The following SYT16 variants were observed in gnomAD, a reference collection of about 807,000 sequenced individuals.
The protein encoded by SYT16 is synaptotagmin-16.
A neutral mutation model predicts 61.4 loss-of-function variants in SYT16; 42 were observed. The observed-to-expected ratio is 0.68, with a 90% confidence interval of 0.53 to 0.89. The LOEUF (loss-of-function observed/expected upper bound fraction) is 0.89. Among genes scored for constraint, SYT16 ranks in the 40% least tolerant of loss-of-function variants. SYT16 has a pLI of 0.00. For missense variants in SYT16, 804 were observed against 807.3 expected, an observed-to-expected ratio of 1.00 and a Z score of 0.05; for synonymous variants, 314 against 302.3, an observed-to-expected ratio of 1.04 and a Z score of -0.40.
chr14:61,826,200 G>A (rs1381123075), intron 1 of SYT16, among the ~76,000 whole-genome samples: 1 of 151,906 alleles, frequency 6.6e-6, no homozygotes, highest in African/African-American at 2.4e-5. Flanking sequence ...CCCATCTCAG[G>A]GCACTCACAC....
chr14:62,018,815 A>T (rs1012363247), intron 3 of SYT16, among the ~76,000 whole-genome samples: 20 of 151,768 alleles, frequency 1.3e-4, no homozygotes, highest in African/African-American at 4.1e-4. Context: ...TCCCCTTTCC[A>T]TGCCTTATGT....
intron 3 of SYT16, among the ~76,000 whole-genome samples, chr14:62,036,822 A>G (rs909373319): frequency 6.6e-6 from 1 of 152,170 alleles, no homozygotes; most frequent in African/African-American, 2.4e-5. Context: ...TATGGGAGCT[A>G]CAATTCAAGA....
intron 3 of SYT16, among the ~76,000 whole-genome samples, chr14:62,053,385 C>T (rs1219506308): frequency 2.0e-5 from 3 of 152,168 alleles, no homozygotes; most frequent in Non-Finnish European, 2.9e-5. Flanking sequence ...CTATTGGTTC[C>T]CCTGGTTCTC....
intron 7 of SYT16, among the ~76,000 whole-genome samples, chr14:62,086,206 G>A (rs1442945234): frequency 3.3e-5 from 5 of 152,174 alleles, no homozygotes; most frequent in East Asian, 1.9e-4. Context: ...GGCTAGGCAC[G>A]GTGGCTCAAT....
chr14:62,086,404 G>T (rs933993083), intron 7 of SYT16, among the ~76,000 whole-genome samples: 3 of 152,058 alleles, frequency 2.0e-5, no homozygotes, highest in African/African-American at 7.2e-5. Flanking sequence ...CGCTTGAACC[G>T]AGGAGGTGGA....
intron 3 of SYT16, among the ~76,000 whole-genome samples, chr14:62,015,441 T>A (rs949973296): frequency 4.3e-5 from 4 of 92,640 alleles, no homozygotes; most frequent in African/African-American, 1.7e-4. Flanking sequence ...TTCTTAACAT[T>A]TTTGACAGTC....
intron 2 of SYT16, among the ~76,000 whole-genome samples, chr14:61,991,391 C>T (rs1163365122): frequency 1.4e-5 from 2 of 147,808 alleles, no homozygotes; most frequent in Non-Finnish European, 3.0e-5. Flanking sequence ...GCTACTTTGT[C>T]TTCTTGTTAG....
intron 1 of SYT16, among the ~76,000 whole-genome samples, chr14:61,860,131 A>C (rs959122802): frequency 6.6e-6 from 1 of 152,204 alleles, no homozygotes; most frequent in African/African-American, 2.4e-5. Flanking sequence ...TCTTTGGAAA[A>C]AGTCACTCTA....
chr14:61,991,374 A>G (rs574044482), intron 2 of SYT16, among the ~76,000 whole-genome samples: 1 of 124,250 alleles, frequency 8.0e-6, no homozygotes, highest in African/African-American at 3.0e-5. Flanking sequence ...TTTCTAAAAC[A>G]CCAGAAGCTA....
chr14:61,863,634 A>G (rs556952678), intron 1 of SYT16, among the ~76,000 whole-genome samples: 25 of 152,218 alleles, frequency 1.6e-4, no homozygotes, highest in Admixed American at 2.0e-4. Context: ...CAACTTATCA[A>G]TTCTTTCTTT....
At chr14:61,826,554 G>A (rs2045777258) in intron 1 of SYT16, among the ~76,000 whole-genome samples, 1 of 151,944 alleles carries the variant, frequency 6.6e-6, no homozygotes, top group South Asian at 2.1e-4. Flanking sequence ...AGGAGGTGAA[G>A]AGACCTGGCA....
intron 1 of SYT16, among the ~76,000 whole-genome samples, chr14:61,887,997 A>G (rs1448161016): frequency 6.6e-6 from 1 of 152,062 alleles, no homozygotes; most frequent in African/African-American, 2.4e-5. Flanking sequence ...GGCTTTTCAC[A>G]TGCTTTTCTC....
At chr14:61,953,761 A>G (rs2050763085) in intron 1 of SYT16, among the ~76,000 whole-genome samples, 1 of 152,186 alleles carries the variant, frequency 6.6e-6, no homozygotes, top group Non-Finnish European at 1.5e-5. Context: ...GGTCAACCTG[A>G]GTGGTAGACA....
At chr14:62,026,758 A>G (rs2054118669) in intron 3 of SYT16, among the ~76,000 whole-genome samples, 2 of 152,212 alleles carry the variant, frequency 1.3e-5, no homozygotes, top group Admixed American at 6.6e-5. Flanking sequence ...CAGAGAATAT[A>G]TGAGAATAAA....
chr14:61,881,929 C>G (rs2047714612), intron 1 of SYT16, among the ~76,000 whole-genome samples: 1 of 152,192 alleles, frequency 6.6e-6, no homozygotes, highest in African/African-American at 2.4e-5. Context: ...CACATCCAGT[C>G]CATGATTTCT....
At chr14:61,974,783 G>A (rs1192929678) in intron 2 of SYT16, among the ~76,000 whole-genome samples, 1 of 152,254 alleles carries the variant, frequency 6.6e-6, no homozygotes, top group Admixed American at 6.5e-5. Flanking sequence ...AGAGCACTGA[G>A]TAAGTAAGGA....
chr14:61,921,968 C>T (rs963820733), intron 1 of SYT16, among the ~76,000 whole-genome samples: 13 of 152,332 alleles, frequency 8.5e-5, no homozygotes, highest in Middle Eastern at 3.4e-3. Context: ...AGCTTTTTCC[C>T]TGGCTTTAAA....
chr14:61,886,985 C>T (rs1253916162), intron 1 of SYT16, among the ~76,000 whole-genome samples: 3 of 151,160 alleles, frequency 2.0e-5, no homozygotes, highest in East Asian at 3.9e-4. Flanking sequence ...GCTATCCTCC[C>T]GCCTCTTGCC....
chr14:61,902,531 C>G (rs1003528496), intron 1 of SYT16, among the ~76,000 whole-genome samples: 9 of 152,114 alleles, frequency 5.9e-5, no homozygotes, highest in Non-Finnish European at 1.0e-4. Flanking sequence ...AGCACAGCAA[C>G]TGGGTGTCTT....
Sources: gnomAD v4.1 joint callset for allele counts (sites outside exome capture counted in the v4.1 genomes callset) on GRCh38, gnomAD v4.1.1 for gene constraint, MANE v1.5 for transcripts, NCBI Gene and HGNC (gene_info 2026-07-23, HGNC 2026-07-21) for gene names.